The following ARFGEF3 variants were observed in gnomAD, a reference collection of about 807,000 sequenced individuals.
The protein encoded by ARFGEF3 is brefeldin A-inhibited guanine nucleotide-exchange protein 3.
In ARFGEF3, 96 loss-of-function variants were observed where a neutral mutation model predicts 221.7. The ratio of observed to expected loss-of-function variants is 0.43; its 90% CI spans 0.37 to 0.51. ARFGEF3 has a LOEUF of 0.51. Among genes scored for constraint, ARFGEF3 ranks in the 20% least tolerant of loss-of-function variants. The pLI, the probability that ARFGEF3 is intolerant of heterozygous loss-of-function variation, is 0.00. For missense variants in ARFGEF3, 2,410 were observed against 2,789.9 expected, an observed-to-expected ratio of 0.86 and a Z score of 3.07; for synonymous variants, 1,145 against 1,126.8, an observed-to-expected ratio of 1.02 and a Z score of -0.32.
intron 22 of ARFGEF3, among the ~76,000 whole-genome samples, chr6:138,306,950 C>A: frequency 8.1e-6 from 1 of 123,272 alleles, no homozygotes. Flanking sequence ...ATATAAGGAA[C>A]TCTAAAAAAA....
chr6:138,328,874 G>A (rs1270523812), intron 32 of ARFGEF3, among the ~76,000 whole-genome samples: 3 of 152,210 alleles, frequency 2.0e-5, no homozygotes, highest in Non-Finnish European at 4.4e-5. Context: ...GCGCATGCCT[G>A]TAGTCCCAGC....
intron 26 of ARFGEF3, among the ~76,000 whole-genome samples, chr6:138,314,815 C>T (rs1021139363): frequency 6.6e-6 from 1 of 152,184 alleles, no homozygotes; most frequent in African/African-American, 2.4e-5. Flanking sequence ...GGGAAATATT[C>T]AAACCGTAGC....
At chr6:138,279,407 T>A (rs894806589) in intron 13 of ARFGEF3, among the ~76,000 whole-genome samples, 2 of 152,214 alleles carry the variant, frequency 1.3e-5, no homozygotes, top group Non-Finnish European at 2.9e-5. Context: ...TGGCTGTTGC[T>A]CATAAGCACT....
intron 3 of ARFGEF3, among the ~76,000 whole-genome samples, chr6:138,208,746 T>C (rs1777667141): frequency 6.6e-6 from 1 of 152,328 alleles, no homozygotes; most frequent in East Asian, 1.9e-4. Flanking sequence ...TAAGCTCATT[T>C]GACCAGAGAA....
chr6:138,180,800 G>T (rs904679787), intron 2 of ARFGEF3, among the ~76,000 whole-genome samples: 2 of 152,212 alleles, frequency 1.3e-5, no homozygotes, highest in African/African-American at 4.8e-5. Flanking sequence ...AGCTTCCTGA[G>T]ATCAGGCTTG....
At chr6:138,296,145 A>G (rs1346832629) in intron 20 of ARFGEF3, among the ~76,000 whole-genome samples, 1 of 152,182 alleles carries the variant, frequency 6.6e-6, no homozygotes, top group African/African-American at 2.4e-5. Flanking sequence ...GAAGTAGCCC[A>G]AGATCAGGGT....
At chr6:138,218,164 G>A (rs1259537612) in intron 4 of ARFGEF3, 3 of 1,613,768 alleles carry the variant, frequency 1.9e-6, no homozygotes, top group Non-Finnish European at 2.5e-6. Flanking sequence ...AGAATTGCAT[G>A]GTGTGACTGT....
intron 4 of ARFGEF3, among the ~76,000 whole-genome samples, chr6:138,226,465 G>T (rs2114526612): frequency 6.6e-6 from 1 of 152,206 alleles, no homozygotes; most frequent in East Asian, 1.9e-4. Flanking sequence ...CCTTTTCATG[G>T]AAAGCTTTGC....
At chr6:138,332,338 TTC>T (rs770072700) in intron 32 of ARFGEF3, among the ~76,000 whole-genome samples, 6 of 150,974 alleles carry the variant, frequency 4.0e-5, no homozygotes, top group Non-Finnish European at 7.4e-5. Flanking sequence ...ACCATTTTCT[TTC>T]TTTCTTCCAC....
chr6:138,209,876 C>T (rs1777690919), intron 3 of ARFGEF3, 34 bp from the exon 4 acceptor site: 1 of 1,610,834 alleles, frequency 6.2e-7, no homozygotes, highest in Non-Finnish European at 8.5e-7. Flanking sequence ...AGGGGAGAGC[C>T]TATCTGTGAT....
chr6:138,221,762 G>C (rs553767500), intron 4 of ARFGEF3, among the ~76,000 whole-genome samples: 1 of 152,258 alleles, frequency 6.6e-6, no homozygotes, highest in African/African-American at 2.4e-5. Flanking sequence ...TATTTCTAGT[G>C]GCAATCAATA....
At chr6:138,234,340 G>A (rs927894678) in intron 5 of ARFGEF3, among the ~76,000 whole-genome samples, 12 of 152,158 alleles carry the variant, frequency 7.9e-5, no homozygotes, top group Non-Finnish European at 1.3e-4. Context: ...AGATTTCTCC[G>A]GGTATGCCTG....
chr6:138,325,493 C>T (rs935663606), intron 31 of ARFGEF3, among the ~76,000 whole-genome samples: 7 of 152,164 alleles, frequency 4.6e-5, no homozygotes, highest in Admixed American at 2.6e-4. Context: ...CTGAAGCCTC[C>T]GTGGCCAGTC....
intron 32 of ARFGEF3, among the ~76,000 whole-genome samples, chr6:138,331,389 C>T (rs1463708959): frequency 6.6e-6 from 1 of 152,218 alleles, no homozygotes; most frequent in Non-Finnish European, 1.5e-5. Context: ...TTTGCAGGGG[C>T]AATTCTTAGT....
intron 4 of ARFGEF3, chr6:138,218,139 G>T (rs755450557): frequency 6.2e-7 from 1 of 1,613,992 alleles, no homozygotes; most frequent in Admixed American, 1.7e-5. Flanking sequence ...GGTCAAGTGT[G>T]TCTGCAAGGG....
intron 12 of ARFGEF3, among the ~76,000 whole-genome samples, chr6:138,264,460 C>T (rs558496951): frequency 6.6e-6 from 1 of 152,274 alleles, no homozygotes. Context: ...CTCTTGACCA[C>T]AGAATACTGG....
At chr6:138,193,341 CATT>C (rs1460759173) in intron 2 of ARFGEF3, among the ~76,000 whole-genome samples, 7 of 152,190 alleles carry the variant, frequency 4.6e-5, no homozygotes, top group African/African-American at 1.7e-4. Flanking sequence ...CTCCCACTCT[CATT>C]ATACTTCTAT....
At chr6:138,284,436 G>A (rs1779251405) in intron 14 of ARFGEF3, among the ~76,000 whole-genome samples, 1 of 152,150 alleles carries the variant, frequency 6.6e-6, no homozygotes, top group East Asian at 1.9e-4. Context: ...CTTTTCCAGT[G>A]ATTACTTCCT....
At position 138,165,840 on chromosome 6, in the gene ARFGEF3, T is replaced by C. The variant is rs564800033; in HGVS notation, c.85+3669T>C. On this transcript the variant is annotated intron_variant, in intron 1 of 33. Coordinates refer to ENST00000251691, the MANE Select transcript of ARFGEF3 (RefSeq NM_020340.5). The stretch of plus-strand genomic sequence containing the variant: ...TTTGAGATAGGTGATCATCACCATA[T>C]TTAGACCATATCAAGAAAGCTGGAC... 3.3e-5 allele frequency among the ~76,000 whole-genome samples: 5 copies of C among 152,370 alleles called. No homozygotes were observed. The East Asian group carries it at 9.6e-4, about 29-fold the overall frequency.
Sources: allele counts gnomAD v4.1 joint callset (sites outside exome capture counted in the v4.1 genomes callset), GRCh38; gene constraint gnomAD v4.1.1; transcripts MANE v1.5; gene names NCBI Gene and HGNC (gene_info 2026-07-23, HGNC 2026-07-21).